The following PPFIA2 variants were observed in gnomAD, a reference collection of about 807,000 sequenced individuals.
PPFIA2 encodes the protein liprin-alpha-2.
PPFIA2 carries 46 observed loss-of-function variants against 175.5 expected under a neutral mutation model. The observed-to-expected ratio is 0.26, with a 90% confidence interval of 0.21 to 0.34. The LOEUF is 0.34. PPFIA2 is among the 10% of genes least tolerant of loss of function. The pLI is 1.00. For missense variants in PPFIA2, 1,179 were observed against 1,506.1 expected (o/e 0.78, Z 3.60); for synonymous variants, 568 against 511.4 (o/e 1.11, Z -1.49).
chr12:81,553,872 G>A (rs576460470), intron 4 of PPFIA2, among the ~76,000 whole-genome samples: 5 of 152,174 alleles, frequency 3.3e-5, no homozygotes, highest in South Asian at 4.1e-4. Flanking sequence ...GATATAAAGT[G>A]TCTGTTTTGA....
At chr12:81,677,987 T>C (rs2072886860) in intron 3 of PPFIA2, among the ~76,000 whole-genome samples, 1 of 151,870 alleles carries the variant, frequency 6.6e-6, no homozygotes, top group African/African-American at 2.4e-5. Context: ...TGTTTGCAAC[T>C]GATTTAAGTT....
intron 3 of PPFIA2, among the ~76,000 whole-genome samples, chr12:81,680,191 T>C (rs1242204545): frequency 6.6e-6 from 1 of 152,004 alleles, no homozygotes; most frequent in African/African-American, 2.4e-5. Context: ...CTACAGAATT[T>C]ATTTAACCAT....
intron 4 of PPFIA2, among the ~76,000 whole-genome samples, chr12:81,664,682 A>T (rs1250737427): frequency 6.6e-6 from 1 of 152,138 alleles, no homozygotes; most frequent in Non-Finnish European, 1.5e-5. Context: ...CCATCCCATT[A>T]CTGGGTACAT....
At chr12:81,277,710 C>T (rs1047652715) in intron 27 of PPFIA2, among the ~76,000 whole-genome samples, 2 of 152,274 alleles carry the variant, frequency 1.3e-5, no homozygotes, top group South Asian at 4.1e-4. Flanking sequence ...GCTATTCCTA[C>T]ATTAGGTGCA....
chr12:81,602,635 A>G (rs915260326), intron 4 of PPFIA2, among the ~76,000 whole-genome samples: 3 of 151,892 alleles, frequency 2.0e-5, no homozygotes, highest in Non-Finnish European at 4.4e-5. Context: ...TGTAGCTATT[A>G]AAGTCATTCA....
chr12:81,493,876 C>G (rs2147153043), intron 4 of PPFIA2, among the ~76,000 whole-genome samples: 1 of 149,696 alleles, frequency 6.7e-6, no homozygotes, highest in East Asian at 2.0e-4. Context: ...GCTGTTTTCT[C>G]AGAGAAAGAA....
chr12:81,394,295 T>C (rs1217148199), intron 8 of PPFIA2, among the ~76,000 whole-genome samples: 3 of 152,038 alleles, frequency 2.0e-5, no homozygotes, highest in Admixed American at 2.0e-4. Context: ...GGCTCTTATA[T>C]ATTTTAGATA....
intron 4 of PPFIA2, among the ~76,000 whole-genome samples, chr12:81,533,969 A>G (rs917805946): frequency 1.1e-4 from 16 of 151,636 alleles, no homozygotes; most frequent in Non-Finnish European, 1.9e-4. Context: ...TATATACACA[A>G]TAGAATACAA....
At chr12:81,324,536 C>T (rs1440978808) in intron 22 of PPFIA2, among the ~76,000 whole-genome samples, 4 of 151,848 alleles carry the variant, frequency 2.6e-5, no homozygotes, top group Non-Finnish European at 4.4e-5. Context: ...AAATCAACTG[C>T]GAACATTTAA....
At chr12:81,331,778 A>G (rs1484657071) in intron 21 of PPFIA2, among the ~76,000 whole-genome samples, 1 of 151,902 alleles carries the variant, frequency 6.6e-6, no homozygotes, top group Non-Finnish European at 1.5e-5. Context: ...GCTCTATTTG[A>G]TCACTCCCTT....
intron 4 of PPFIA2, chr12:81,598,061 A>G: frequency 6.5e-7 from 1 of 1,534,494 alleles, no homozygotes; most frequent in South Asian, 1.2e-5. Flanking sequence ...TATAATCCAC[A>G]AGGAGCTACA....
chr12:81,587,013 AT>A (rs1379312624), intron 4 of PPFIA2, among the ~76,000 whole-genome samples: 1 of 151,786 alleles, frequency 6.6e-6, no homozygotes, highest in Non-Finnish European at 1.5e-5. Context: ...TGACCTAAAT[AT>A]TTTTTTTATT....
At chr12:81,682,159 C>G (rs1044460045) in intron 3 of PPFIA2, among the ~76,000 whole-genome samples, 1 of 151,954 alleles carries the variant, frequency 6.6e-6, no homozygotes, top group Non-Finnish European at 1.5e-5. Flanking sequence ...AATGTAAGGT[C>G]TTTAATGAGG....
rs2034335557 is a variant in PPFIA2, at chr12:81,368,962, T to G, written c.1351-106A>C. Reference sequence around the variant, plus strand: ...AATTTAATTTTACATCTGTTTTGATTAAAGTGGTGGAAACATTTTATTCAA... The same window carrying G: ...AATTTAATTTTACATCTGTTTTGATGAAAGTGGTGGAAACATTTTATTCAA... On this transcript the variant is annotated intron_variant, in intron 12 of 32. Transcript: ENST00000549396. 3 of 1,375,594 alleles carry G rather than the reference T, an allele frequency of 2.2e-6. No homozygotes were observed. The Admixed American group carries it at 7.4e-5, about 34-fold the overall frequency. The allele number at this position is 1,375,594 out of a possible 1,614,324, so 85.2% of individuals were successfully genotyped here.
intron 4 of PPFIA2, among the ~76,000 whole-genome samples, chr12:81,462,099 GT>G (rs994990609): frequency 1.3e-5 from 2 of 150,742 alleles, no homozygotes; most frequent in Non-Finnish European, 3.0e-5. Context: ...ATTATTGGAG[GT>G]TTTTTTTAAA....
At chr12:81,751,689 C>A (rs1259151956) in intron 3 of PPFIA2, among the ~76,000 whole-genome samples, 6 of 151,814 alleles carry the variant, frequency 4.0e-5, no homozygotes, top group Non-Finnish European at 7.4e-5. Context: ...AAAGGCTGGG[C>A]AGTATATTTA....
At chr12:81,727,340 C>T (rs531724632) in intron 3 of PPFIA2, among the ~76,000 whole-genome samples, 3 of 151,378 alleles carry the variant, frequency 2.0e-5, no homozygotes, top group African/African-American at 2.4e-5. Flanking sequence ...CTCTTCTGTT[C>T]GCCACTTCTT....
intron 4 of PPFIA2, among the ~76,000 whole-genome samples, chr12:81,588,778 A>G (rs906344841): frequency 6.6e-6 from 1 of 151,996 alleles, no homozygotes; most frequent in Admixed American, 6.6e-5. Flanking sequence ...TGATCTATGG[A>G]CCATACCATA....
intron 15 of PPFIA2, among the ~76,000 whole-genome samples, chr12:81,359,928 T>C (rs1201253827): frequency 6.6e-6 from 1 of 151,982 alleles, no homozygotes; most frequent in Non-Finnish European, 1.5e-5. Context: ...TAAGGTACTC[T>C]CTGCCTAGCT....
Sources: allele counts gnomAD v4.1 joint callset (sites outside exome capture counted in the v4.1 genomes callset), GRCh38; gene constraint gnomAD v4.1.1; transcripts MANE v1.5; gene names NCBI Gene and HGNC (gene_info 2026-07-23, HGNC 2026-07-21).